Variants in GPSM2 observed in about 807,000 individuals in gnomAD.
GPSM2 encodes the protein G protein signaling modulator 2, also known as G protein-signaling modulator 2.
In GPSM2, 58 loss-of-function variants were observed where a neutral mutation model predicts 78.4. That is an observed-to-expected ratio of 0.74 (90% CI 0.60 to 0.92). The LOEUF (loss-of-function observed/expected upper bound fraction) is 0.92, where lower values mean the gene tolerates loss of function less well. Ranked by LOEUF, GPSM2 falls within the 40% of genes least tolerant of loss-of-function variation. The probability of loss-of-function intolerance (pLI) is 0.00; values close to 1 mark genes in which losing one functional copy is unlikely to be tolerated. For missense variants in GPSM2, 700 were observed against 815.5 expected (o/e 0.86, Z 1.73); for synonymous variants, 224 against 280.2 (o/e 0.80, Z 2.00).
intron 14 of GPSM2, chr1:108,926,934 A>G (rs1570962181): frequency 6.6e-6 from 1 of 152,260 alleles, no homozygotes. Context: ...TATCAATAAA[A>G]TTGACAGAGG....
intron 9 of GPSM2, among the ~76,000 whole-genome samples, chr1:108,903,877 A>G (rs978024421): frequency 2.0e-5 from 3 of 152,220 alleles, no homozygotes; most frequent in African/African-American, 7.2e-5. Flanking sequence ...TTAGAGAACT[A>G]AAGAATTAAA....
intron 10 of GPSM2, among the ~76,000 whole-genome samples, chr1:108,911,936 G>T (rs1175824048): frequency 6.6e-6 from 1 of 151,330 alleles, no homozygotes; most frequent in East Asian, 1.9e-4. Flanking sequence ...CTCCTGAGTA[G>T]CTGGGACTAT....
chr1:108,900,187 A>G (rs12126300), intron 7 of GPSM2, among the ~76,000 whole-genome samples: 7,997 of 150,916 alleles, frequency 0.053, 241 homozygotes, highest in African/African-American at 0.087. Flanking sequence ...AACTTTATAT[A>G]TATTCCAAGT....
intron 13 of GPSM2, 116 bp downstream of exon 13, chr1:108,922,692 G>A: frequency 2.2e-6 from 2 of 914,864 alleles, no homozygotes; most frequent in Middle Eastern, 2.2e-4. Flanking sequence ...CTGAATTCAG[G>A]TATATCTGAA....
At chr1:108,897,838 G>A in intron 4 of GPSM2, 121 bp from the exon 5 acceptor site, 2 of 1,006,916 alleles carry the variant, frequency 2.0e-6, no homozygotes. Flanking sequence ...GATTGGTTCT[G>A]TATGGAGAGC....
At chr1:108,927,638 C>G (rs975584198) in intron 14 of GPSM2, among the ~76,000 whole-genome samples, 14 of 152,086 alleles carry the variant, frequency 9.2e-5, no homozygotes, top group Admixed American at 2.6e-4. Flanking sequence ...ATGCAAAACT[C>G]AAAGTGGGCC....
intron 11 of GPSM2, among the ~76,000 whole-genome samples, chr1:108,917,389 A>T (rs935228605): frequency 5.9e-5 from 9 of 151,286 alleles, no homozygotes; most frequent in African/African-American, 2.2e-4. Flanking sequence ...AACATGGTGA[A>T]ACCCCGTCTC....
chr1:108,908,859 C>T (rs991566530), intron 10 of GPSM2, among the ~76,000 whole-genome samples: 7 of 150,268 alleles, frequency 4.7e-5, no homozygotes, highest in Admixed American at 1.3e-4. Flanking sequence ...TTTTAATTAT[C>T]CGTGCATGGT....
chr1:108,928,972 G>C (rs1651410151), intron 14 of GPSM2, among the ~76,000 whole-genome samples: 2 of 144,862 alleles, frequency 1.4e-5, no homozygotes, highest in Admixed American at 1.4e-4. Context: ...CTGGATGACA[G>C]AGCGAGAATC....
rs1268914955 is a variant in GPSM2 at position 108,922,400 on chromosome 1, T to G, written c.1441-17T>G. On this transcript the variant is annotated splice_polypyrimidine_tract_variant and intron_variant, in intron 12 of 14. Coordinates refer to ENST00000264126, the MANE Select transcript of GPSM2 (RefSeq NM_013296.5). ...CTGGAATATTCAAATAAACTAGACT[T>G]CCTCTCAATATTTTAGAAAATCAGT... 1.3e-6 allele frequency: 2 copies of G among 1,576,398 alleles called. No individual in the cohort carries two copies. Among genetic ancestry groups the G allele is most frequent in the African/African-American group, 2.7e-5 (2 of 74,270 alleles).
At chr1:108,927,124 C>T (rs966058534) in intron 14 of GPSM2, among the ~76,000 whole-genome samples, 1 of 152,092 alleles carries the variant, frequency 6.6e-6, no homozygotes, top group Non-Finnish European at 1.5e-5. Flanking sequence ...ATGAAAACCA[C>T]AAAACATTGC....
chr1:108,904,067 A>G (rs888044678), intron 9 of GPSM2, 58 bp from the exon 10 acceptor site: 1 of 1,182,412 alleles, frequency 8.5e-7, no homozygotes, highest in Non-Finnish European at 1.3e-6. Flanking sequence ...TTTACAAATA[A>G]TCTTCACCAT....
intron 2 of GPSM2, among the ~76,000 whole-genome samples, chr1:108,888,177 G>A (rs571346789): frequency 6.6e-6 from 1 of 152,086 alleles, no homozygotes; most frequent in Non-Finnish European, 1.5e-5. Context: ...TCAGCCTCCT[G>A]AGTAGCTGGG....
intron 11 of GPSM2, 115 bp from the exon 12 acceptor site, chr1:108,918,498 C>T (rs1302545375): frequency 5.2e-6 from 4 of 762,896 alleles, no homozygotes; most frequent in Non-Finnish European, 6.8e-6. Context: ...AAAATTCTTC[C>T]TCTCTCCCCC....
At chr1:108,928,859 G>A (rs919336015) in intron 14 of GPSM2, among the ~76,000 whole-genome samples, 4 of 151,928 alleles carry the variant, frequency 2.6e-5, no homozygotes, top group African/African-American at 7.3e-5. Flanking sequence ...GTGTGGTGAC[G>A]CATGCCTATA....
intron 2 of GPSM2, among the ~76,000 whole-genome samples, chr1:108,894,012 C>T (rs1648171252): frequency 6.6e-6 from 1 of 151,864 alleles, no homozygotes; most frequent in Non-Finnish European, 1.5e-5. Flanking sequence ...CCATTGCGCT[C>T]CAGCCTGGGT....
intron 2 of GPSM2, among the ~76,000 whole-genome samples, chr1:108,896,438 A>T (rs1570898616): frequency 6.6e-6 from 1 of 152,102 alleles, no homozygotes; most frequent in South Asian, 2.1e-4. Flanking sequence ...ACAGGTGACT[A>T]GATTACTTGG....
chr1:108,878,876 G>A (rs770418691), intron 1 of GPSM2, among the ~76,000 whole-genome samples: 13 of 152,290 alleles, frequency 8.5e-5, no homozygotes, highest in Admixed American at 7.9e-4. Context: ...AGAGTTTAGC[G>A]TAAGATCATA....
chr1:108,909,516 A>G (rs1649531192), intron 10 of GPSM2: 1 of 152,236 alleles, frequency 6.6e-6, no homozygotes. Context: ...TTAAAGTTAG[A>G]AAGTAACTTA....
Sources: allele counts gnomAD v4.1 joint callset (sites outside exome capture counted in the v4.1 genomes callset), GRCh38; gene constraint gnomAD v4.1.1; transcripts MANE v1.5; gene names NCBI Gene and HGNC (gene_info 2026-07-23, HGNC 2026-07-21).